RCAN1: variants seen among roughly 807,000 people sequenced by gnomAD.
The protein encoded by RCAN1 is calcipressin-1.
A neutral mutation model predicts 22.9 loss-of-function variants in RCAN1; 11 were observed. The ratio of observed to expected loss-of-function variants is 0.48; its 90% confidence interval spans 0.30 to 0.79. RCAN1 has a LOEUF of 0.79. Among genes scored for constraint, RCAN1 ranks in the 30% least tolerant of loss-of-function variants. The probability of loss-of-function intolerance (pLI) is 0.06; values close to 1 mark genes in which losing one functional copy is unlikely to be tolerated. For missense variants in RCAN1, 291 were observed against 337.8 expected (o/e 0.86, Z 1.09); for synonymous variants, 136 against 142.3 (o/e 0.96, Z 0.32).
intron 1 of RCAN1, among the ~76,000 whole-genome samples, chr21:34,601,243 C>T (rs1213280741): frequency 2.0e-5 from 3 of 152,202 alleles, no homozygotes. Flanking sequence ...ATTGCTAACT[C>T]ATACTAAATA....
chr21:34,564,042 G>T (rs1986913225), intron 1 of RCAN1, among the ~76,000 whole-genome samples: 1 of 152,010 alleles, frequency 6.6e-6, no homozygotes, highest in Non-Finnish European at 1.5e-5. Flanking sequence ...GTTCCGCATG[G>T]CTGGGGAGGC....
At chr21:34,546,481 C>A (rs1041606210) in intron 1 of RCAN1, among the ~76,000 whole-genome samples, 1 of 151,624 alleles carries the variant, frequency 6.6e-6, no homozygotes, top group African/African-American at 2.4e-5. Flanking sequence ...AAAACCCCAA[C>A]AATGCTGTTA....
chr21:34,572,335 C>T (rs4290729), intron 1 of RCAN1, among the ~76,000 whole-genome samples: 2,199 of 152,150 alleles, frequency 0.014, 45 homozygotes, highest in African/African-American at 0.051. Context: ...ATACTGGAGG[C>T]GCCTGTAGCT....
intron 1 of RCAN1, among the ~76,000 whole-genome samples, chr21:34,597,228 G>T (rs371786892): frequency 6.6e-6 from 1 of 152,108 alleles, no homozygotes. Context: ...ACACTCCTCG[G>T]TAGTACTAGC....
At chr21:34,574,313 A>T (rs1744782770) in intron 1 of RCAN1, among the ~76,000 whole-genome samples, 1 of 152,262 alleles carries the variant, frequency 6.6e-6, no homozygotes, top group African/African-American at 2.4e-5. Flanking sequence ...CCTGCAGATA[A>T]GCTATCAATC....
At chr21:34,531,515 A>G (rs1985387909) in intron 1 of RCAN1, among the ~76,000 whole-genome samples, 1 of 152,002 alleles carries the variant, frequency 6.6e-6, no homozygotes, top group Non-Finnish European at 1.5e-5. Context: ...TATCTTCCCA[A>G]CTGGCCTCGC....
intron 1 of RCAN1, among the ~76,000 whole-genome samples, chr21:34,574,895 C>G (rs1481666899): frequency 1.3e-5 from 2 of 152,206 alleles, no homozygotes; most frequent in African/African-American, 4.8e-5. Flanking sequence ...TAGCATAAAC[C>G]GTACTGACAA....
intron 1 of RCAN1, among the ~76,000 whole-genome samples, chr21:34,546,350 C>T (rs1313430185): frequency 6.6e-6 from 1 of 151,220 alleles, no homozygotes; most frequent in African/African-American, 2.4e-5. Flanking sequence ...TATAGTCTAG[C>T]ATTTGTTGGC....
intron 1 of RCAN1, among the ~76,000 whole-genome samples, chr21:34,569,372 C>A (rs957407568): frequency 1.3e-5 from 2 of 152,176 alleles, no homozygotes; most frequent in African/African-American, 4.8e-5. Flanking sequence ...ACCATAAATC[C>A]TAAAAGACTG....
intron 1 of RCAN1, among the ~76,000 whole-genome samples, chr21:34,546,686 G>A (rs960738743): frequency 5.9e-5 from 9 of 152,164 alleles, no homozygotes; most frequent in Admixed American, 5.9e-4. Context: ...GTCAGAAGAC[G>A]CAAACAACAT....
At chr21:34,525,770 C>T (rs1040367394) in intron 1 of RCAN1, among the ~76,000 whole-genome samples, 10 of 152,150 alleles carry the variant, frequency 6.6e-5, no homozygotes, top group Non-Finnish European at 1.2e-4. Flanking sequence ...TGATTTTACT[C>T]ACATAAGGCT....
At chr21:34,549,457 T>C (rs1986277515) in intron 1 of RCAN1, among the ~76,000 whole-genome samples, 1 of 152,182 alleles carries the variant, frequency 6.6e-6, no homozygotes, top group Admixed American at 6.5e-5. Context: ...TACCAGATGA[T>C]TCATGGTGGC....
rs970514248 is a variant in RCAN1 at position 34,614,515 on chromosome 21, G to A, written c.252+245C>T. The A allele has an allele frequency of 9.6e-7, 1 of 1,045,630 alleles. No individual in the cohort carries two copies. The highest frequency in any genetic ancestry group is 1.7e-5 in the African/African-American group (1 of 58,868). The allele number at this position is 1,045,630 out of a possible 1,614,324, so 64.8% of individuals were successfully genotyped here. ...TCGCACCAGCCTGGGCGCACACGGGGGCCGGGGCGAGCCTGTGGGACTCTG... is the reference window on the plus strand; with the variant it reads ...TCGCACCAGCCTGGGCGCACACGGGAGCCGGGGCGAGCCTGTGGGACTCTG... On this transcript the variant is annotated intron_variant, in intron 1 of 3. Coordinates refer to ENST00000313806, the MANE Select transcript of RCAN1 (RefSeq NM_004414.7). This position sits in a 1 kb window ranked among gnomAD's most constrained non-coding sequence, Gnocchi z 6.0.
At chr21:34,527,049 A>G in intron 1 of RCAN1, 1 of 1,031,800 alleles carries the variant, frequency 9.7e-7, no homozygotes, top group Non-Finnish European at 1.2e-6. Context: ...GCTTGGGGAG[A>G]ATGGAAAAAA....
At chr21:34,569,140 G>A (rs977529948) in intron 1 of RCAN1, among the ~76,000 whole-genome samples, 2 of 152,146 alleles carry the variant, frequency 1.3e-5, no homozygotes, top group African/African-American at 4.8e-5. Context: ...GATTTGAGTG[G>A]GGACAAAGAG....
At chr21:34,529,902 G>A (rs551276526) in intron 1 of RCAN1, among the ~76,000 whole-genome samples, 9 of 152,278 alleles carry the variant, frequency 5.9e-5, no homozygotes, top group Admixed American at 3.9e-4. Context: ...TAAGTCTCAC[G>A]AGATCTGATG....
intron 1 of RCAN1, among the ~76,000 whole-genome samples, chr21:34,550,413 T>C (rs540945307): frequency 1.2e-3 from 186 of 152,284 alleles, no homozygotes; most frequent in Non-Finnish European, 2.0e-3. Context: ...GTAGGGCCTT[T>C]AAATGGGTGA....
chr21:34,584,675 CAG>C, intron 1 of RCAN1, among the ~76,000 whole-genome samples: 1 of 152,292 alleles, frequency 6.6e-6, no homozygotes, highest in East Asian at 1.9e-4. Context: ...ACAAAGGACA[CAG>C]AGGACGTCAG....
chr21:34,563,475 C>T (rs547079329), intron 1 of RCAN1, among the ~76,000 whole-genome samples: 49 of 152,176 alleles, frequency 3.2e-4, no homozygotes, highest in African/African-American at 1.1e-3. Flanking sequence ...GAAACAGCTA[C>T]CGTTCACTCA....
Sources: gnomAD v4.1 joint callset for allele counts (sites outside exome capture counted in the v4.1 genomes callset) on GRCh38, gnomAD v4.1.1 for gene constraint, Gnocchi (gnomAD v3.1) non-coding constraint, MANE v1.5 for transcripts, NCBI Gene and HGNC (gene_info 2026-07-23, HGNC 2026-07-21) for gene names.